Variants in PTPN9 observed in about 807,000 individuals in gnomAD.
PTPN9 encodes the protein protein tyrosine phosphatase non-receptor type 9, also known as tyrosine-protein phosphatase non-receptor type 9.
A neutral mutation model predicts 69.8 loss-of-function variants in PTPN9; 26 were observed. The ratio of observed to expected loss-of-function variants is 0.37; its 90% CI spans 0.27 to 0.52. The LOEUF is 0.52. PTPN9 is among the 20% of genes least tolerant of loss of function. The probability of loss-of-function intolerance (pLI) is 0.91; values close to 1 mark genes in which losing one functional copy is unlikely to be tolerated. For synonymous variants in PTPN9, 274 were observed against 272.5 expected, an observed-to-expected ratio of 1.01 and a Z score of -0.05; for missense variants, 549 against 740.3, an observed-to-expected ratio of 0.74 and a Z score of 3.00.
At chr15:75,489,766 A>G (rs917453662) in intron 8 of PTPN9, among the ~76,000 whole-genome samples, 1 of 152,192 alleles carries the variant, frequency 6.6e-6, no homozygotes, top group East Asian at 1.9e-4. Flanking sequence ...TTTCATCTCT[A>G]TCCCTAGACA....
At chr15:75,553,941 G>C (rs191602413) in intron 1 of PTPN9, among the ~76,000 whole-genome samples, 9 of 150,876 alleles carry the variant, frequency 6.0e-5, no homozygotes, top group Non-Finnish European at 1.0e-4. Context: ...CTGGTCAGAA[G>C]TATACAATTA....
At chr15:75,495,746 T>TA (rs2074737326) in intron 7 of PTPN9, among the ~76,000 whole-genome samples, 1 of 149,026 alleles carries the variant, frequency 6.7e-6, no homozygotes, top group Non-Finnish European at 1.5e-5. Flanking sequence ...ACAACAACAA[T>TA]AAAAAACAAA....
chr15:75,491,035 G>C (rs894298173), intron 7 of PTPN9, among the ~76,000 whole-genome samples: 1 of 152,142 alleles, frequency 6.6e-6, no homozygotes, highest in Admixed American at 6.5e-5. Context: ...CTTCAGCCCA[G>C]GAAGTCAAGG....
At chr15:75,568,695 G>A (rs1366338754) in intron 1 of PTPN9, among the ~76,000 whole-genome samples, 2 of 150,582 alleles carry the variant, frequency 1.3e-5, no homozygotes. Flanking sequence ...AAATGTGCCA[G>A]GCATGGTGGT....
chr15:75,573,254 T>C (rs1212781235), intron 1 of PTPN9, among the ~76,000 whole-genome samples: 1 of 152,188 alleles, frequency 6.6e-6, no homozygotes, highest in Non-Finnish European at 1.5e-5. Flanking sequence ...ATTCCAATCT[T>C]GGGAGGGACG....
chr15:75,575,983 C>T (rs2075171022), intron 1 of PTPN9, among the ~76,000 whole-genome samples: 1 of 151,492 alleles, frequency 6.6e-6, no homozygotes, highest in Non-Finnish European at 1.5e-5. Context: ...CCTGTAATCC[C>T]AGCATTTTGG....
intron 1 of PTPN9, among the ~76,000 whole-genome samples, chr15:75,567,097 C>A (rs566728904): frequency 4.6e-5 from 7 of 151,064 alleles, no homozygotes; most frequent in Non-Finnish European, 8.8e-5. Context: ...CTCACTGCAA[C>A]CTCCACCTCT....
At position 75,463,972 on chromosome 15, in the gene PTPN9, C is replaced by A. The variant is rs1296843561; in HGVS notation, c.*4797G>T. ...CCCTTGGTCTGTTCATGCTTTGCCT[C>A]TGAGAAACCCTGTAGACCCCACATT... is the stretch of plus-strand genomic sequence containing the variant. On this transcript the variant is annotated 3_prime_UTR_variant, in exon 13 of 13. Coordinates refer to ENST00000618819, the MANE Select transcript of PTPN9 (RefSeq NM_002833.4). The A allele has an allele frequency of 6.6e-6, 1 of 152,168 alleles. No homozygotes were observed. The highest frequency in any genetic ancestry group is 1.5e-5 in the Non-Finnish European group (1 of 68,062). The allele number at this position is 152,168 out of a possible 1,614,324, so 9.4% of individuals were successfully genotyped here. A position where few individuals can be genotyped will look rare whatever the true frequency, so the allele number is the denominator to read the frequency against.
chr15:75,544,809 CAT>C (rs1491441135), intron 1 of PTPN9, among the ~76,000 whole-genome samples: 1 of 151,884 alleles, frequency 6.6e-6, no homozygotes. Context: ...CCTTTGGTAA[CAT>C]TTTTTTTTTC....
At chr15:75,502,758 C>T (rs1414813128) in intron 7 of PTPN9, among the ~76,000 whole-genome samples, 1 of 152,018 alleles carries the variant, frequency 6.6e-6, no homozygotes. Flanking sequence ...AGAAACTGCC[C>T]AAATGAACAG....
chr15:75,578,783 G>A lies in PTPN9; in HGVS notation c.-7C>T, dbSNP rs2141349519. 2 of 1,238,596 alleles carry A rather than the reference G, an allele frequency of 1.6e-6. No individual in the cohort carries two copies. The highest frequency in any genetic ancestry group is 2.0e-6 in the Non-Finnish European group (2 of 991,682). The allele number at this position is 1,238,596 out of a possible 1,614,324, so 76.7% of individuals were successfully genotyped here. A position where few individuals can be genotyped will look rare whatever the true frequency, so the allele number is the denominator to read the frequency against. On this transcript the variant is annotated 5_prime_UTR_variant, in exon 1 of 13. Coordinates refer to ENST00000618819, the MANE Select transcript of PTPN9 (RefSeq NM_002833.4). ...GCGCGGTCGCGGGCTCCATCCCCCC[G>A]CCACCGCCGCCGGGCGGACAAAACT...
In PTPN9 at chr15:75,467,394, C is replaced by G. The variant is rs151067088; in HGVS notation, c.*1375G>C. On this transcript the variant is annotated 3_prime_UTR_variant, in exon 13 of 13. Transcript: ENST00000618819. ...TTTTGGGAATGTGGAGTGCTGAGGA[C>G]TCTTGATTTATCCCTAGCACATAAG... 1 of 152,504 alleles carries G rather than the reference C, an allele frequency of 6.6e-6. No homozygotes were observed. Among genetic ancestry groups the G allele is most frequent in the African/African-American group, 2.4e-5 (1 of 41,388 alleles). The allele number at this position is 152,504 out of a possible 1,614,324, so 9.4% of individuals were successfully genotyped here.
At chr15:75,548,259 CTTTTTT>C (rs902930341) in intron 1 of PTPN9, among the ~76,000 whole-genome samples, 1 of 143,766 alleles carries the variant, frequency 7.0e-6, no homozygotes, top group African/African-American at 2.5e-5. Flanking sequence ...TAAACTTCTT[CTTTTTT>C]TTTTTTTGAG....
At chr15:75,496,382 G>A (rs1489926173) in intron 7 of PTPN9, among the ~76,000 whole-genome samples, 7 of 151,652 alleles carry the variant, frequency 4.6e-5, no homozygotes, top group African/African-American at 9.7e-5. Flanking sequence ...GTACAATGAC[G>A]ATTCAATTTA....
intron 1 of PTPN9, among the ~76,000 whole-genome samples, chr15:75,535,000 AT>A (rs1334433596): frequency 4.3e-3 from 610 of 143,424 alleles, no homozygotes; most frequent in African/African-American, 9.2e-3. Context: ...ACTGAAAACG[AT>A]TTTTTTTTTT....
At chr15:75,522,625 C>T (rs1465224734) in intron 4 of PTPN9, among the ~76,000 whole-genome samples, 1 of 152,000 alleles carries the variant, frequency 6.6e-6, no homozygotes, top group African/African-American at 2.4e-5. Flanking sequence ...AGGCTGGTCT[C>T]AACTCCTGGC....
At chr15:75,536,816 G>GT (rs1420034040) in intron 1 of PTPN9, among the ~76,000 whole-genome samples, 1 of 152,140 alleles carries the variant, frequency 6.6e-6, no homozygotes, top group East Asian at 1.9e-4. Context: ...ACTATAAGCA[G>GT]TGGGGAAGTC....
At chr15:75,531,328 CAGA>C (rs1426792112) in intron 1 of PTPN9, among the ~76,000 whole-genome samples, 3 of 152,090 alleles carry the variant, frequency 2.0e-5, no homozygotes, top group Non-Finnish European at 2.9e-5. Flanking sequence ...GAAAAGCTTT[CAGA>C]AGATCATTCT....
chr15:75,489,003 G>A (rs1002088240), intron 8 of PTPN9, among the ~76,000 whole-genome samples: 23 of 151,532 alleles, frequency 1.5e-4, no homozygotes, highest in African/African-American at 5.1e-4. Context: ...GTGAAACCCC[G>A]TCTCTACTAA....
Sources: gnomAD v4.1 joint callset for allele counts (sites outside exome capture counted in the v4.1 genomes callset) on GRCh38, gnomAD v4.1.1 for gene constraint, MANE v1.5 for transcripts, NCBI Gene and HGNC (gene_info 2026-07-23, HGNC 2026-07-21) for gene names.